The following VNN1 variants were observed in gnomAD, a reference collection of about 807,000 sequenced individuals.
VNN1 encodes the protein vanin 1, also known as pantetheinase.
Under a neutral mutation model 41.9 loss-of-function variants are expected in VNN1, and 29 were observed. The ratio of observed to expected loss-of-function variants is 0.69; its 90% confidence interval spans 0.52 to 0.94. VNN1 has a LOEUF of 0.94. VNN1 is among the 40% of genes least tolerant of loss of function. The pLI, the probability that VNN1 is intolerant of heterozygous loss-of-function variation, is 0.00. For missense variants in VNN1, 637 were observed against 621.1 expected, an observed-to-expected ratio of 1.03 and a Z score of -0.27; for synonymous variants, 233 against 224.4, an observed-to-expected ratio of 1.04 and a Z score of -0.34.
intron 2 of VNN1, among the ~76,000 whole-genome samples, chr6:132,705,296 G>A (rs969827354): frequency 3.9e-5 from 6 of 151,956 alleles, no homozygotes; most frequent in Non-Finnish European, 5.9e-5. Context: ...CAAACCAAAT[G>A]CAACGACACA....
chr6:132,683,545 A>G (rs1316811301), intron 6 of VNN1, among the ~76,000 whole-genome samples: 5 of 152,220 alleles, frequency 3.3e-5, no homozygotes. Context: ...CTTCTAATTT[A>G]CTTACCTGTG....
chr6:132,701,100 C>T (rs2840827), intron 2 of VNN1, among the ~76,000 whole-genome samples: 88,256 of 152,048 alleles, frequency 0.58, 28,346 homozygotes, highest in African/African-American at 0.86. Context: ...GAAATGCTAA[C>T]GACAAGTCTG....
intron 6 of VNN1, 43 bp from the exon 7 acceptor site, chr6:132,683,365 T>G: frequency 6.4e-7 from 1 of 1,562,136 alleles, no homozygotes; most frequent in Non-Finnish European, 8.7e-7. Context: ...CTTCAAGTTT[T>G]ACAATCCCAT....
intron 5 of VNN1, among the ~76,000 whole-genome samples, chr6:132,688,483 A>G (rs1778235978): frequency 6.6e-6 from 1 of 152,184 alleles, no homozygotes; most frequent in South Asian, 2.1e-4. Flanking sequence ...ACACTAAGAA[A>G]GAACTTCCCA....
rs201729697 is a variant in VNN1, at chr6:132,683,259, G to A, written c.1423C>T (p.Leu475=). The change falls in exon 7 of 7, where the codon CTG becomes TTG. Residue 475 remains leucine, a synonymous_variant. Transcript: ENST00000367928. The part of the protein sequence containing the change: ...PTSGPVLTVT[L]FGRLYEKDWA... ...TCCTTCTCATACAACCTCCCAAACA[G>A]AGTTACTGTTAAGACAGGTCCGGAT... is the stretch of plus-strand genomic sequence containing the variant. The A allele has an allele frequency of 2.5e-6, 4 of 1,614,118 alleles. No individual in the cohort carries two copies. The highest frequency in any genetic ancestry group is 1.3e-5 in the African/African-American group (1 of 75,034).
In VNN1 at chr6:132,682,235, C is replaced by T. The variant is rs770746409; in HGVS notation, c.*905G>A. On this transcript the variant is annotated 3_prime_UTR_variant, in exon 7 of 7. Transcript: ENST00000367928. ...AGTGTCTATTGGAGTCTTGAGGACC[C>T]AGACCAGCTGAATATTCTTACCAGG... 6.6e-6 allele frequency: 1 copy of T among 152,114 alleles called. No individual in the cohort carries two copies. Among genetic ancestry groups the T allele is most frequent in the Non-Finnish European group, 1.5e-5 (1 of 68,024 alleles). 9.4% of individuals were successfully genotyped at this position (152,114 alleles called of 1,614,324 possible).
At chr6:132,689,244 A>C (rs1480491300) in intron 5 of VNN1, among the ~76,000 whole-genome samples, 1 of 151,974 alleles carries the variant, frequency 6.6e-6, no homozygotes, top group African/African-American at 2.4e-5. Context: ...CTACAAAGGC[A>C]ATCAAGGCTC....
chr6:132,707,551 A>G (rs1457952300), intron 2 of VNN1, among the ~76,000 whole-genome samples: 2 of 152,244 alleles, frequency 1.3e-5, no homozygotes, highest in African/African-American at 4.8e-5. Context: ...CGTGTGGTAC[A>G]TGTACACAAT....
At chr6:132,701,437 A>T (rs779045228) in intron 2 of VNN1, among the ~76,000 whole-genome samples, 6 of 152,204 alleles carry the variant, frequency 3.9e-5, no homozygotes, top group Non-Finnish European at 5.9e-5. Flanking sequence ...CCTACAGCTA[A>T]CATCCTATGG....
At chr6:132,712,636 A>G (rs1488185853) in intron 1 of VNN1, among the ~76,000 whole-genome samples, 1 of 152,106 alleles carries the variant, frequency 6.6e-6, no homozygotes, top group South Asian at 2.1e-4. Context: ...TTTCCCCTGC[A>G]AACATGATTC....
Position 132,693,158 on chromosome 6 carries a change from G to T in VNN1, c.692C>A (p.Thr231Asn). 6.2e-7 allele frequency: 1 copy of T among 1,614,096 alleles called. No homozygotes were observed. The highest frequency in any genetic ancestry group is 8.5e-7 in the Non-Finnish European group (1 of 1,180,002). The change falls in exon 4 of 7, where the codon ACC becomes AAC. Residue 231 changes from threonine (T) to asparagine (N), a missense_variant. Coordinates refer to ENST00000367928, the MANE Select transcript of VNN1 (RefSeq NM_004666.3). ...CATCCAAGCTGTTGGGAATACTATG[G>T]TGTCCACGTGGAAATCTTTCACCAA... ...VTLVKDFHVDTIVFPTAWMNV... is the reference protein window; with the variant it reads ...VTLVKDFHVDNIVFPTAWMNV...
chr6:132,693,457 A>T, intron 3 of VNN1, 142 bp from the exon 4 acceptor site: 1 of 913,960 alleles, frequency 1.1e-6, no homozygotes. Context: ...AGTTTGCTTT[A>T]GAGAATCAGA....
intron 6 of VNN1, among the ~76,000 whole-genome samples, chr6:132,684,099 C>T (rs45525739): frequency 0.038 from 5,815 of 152,054 alleles, 192 homozygotes; most frequent in South Asian, 0.098. Context: ...TTTAAACTCC[C>T]TATAATCCCC....
intron 5 of VNN1, among the ~76,000 whole-genome samples, chr6:132,688,251 T>C (rs1778233436): frequency 1.3e-5 from 2 of 152,190 alleles, no homozygotes; most frequent in South Asian, 4.1e-4. Context: ...TTATTCAAGC[T>C]ATTTAAGGTG....
rs749843336 is a variant in VNN1, at chr6:132,713,875, T to C, written c.161A>G (p.Asn54Ser). The part of the protein sequence containing the change: ...VSREEALALM[N>S]RNLDILEGAI... ...TCCTTCCAAAATGTCCAGATTCCGA[T>C]TCATTAATGCCAAAGCCTCCTCACG... Residue 54 changes from asparagine to serine, a missense_variant, in exon 1 of 7, where the codon AAT becomes AGT. Transcript: ENST00000367928. 1.9e-6 allele frequency: 3 copies of C among 1,613,722 alleles called. No homozygotes were observed. Among genetic ancestry groups the C allele is most frequent in the South Asian group, 1.1e-5 (1 of 91,042 alleles).
intron 1 of VNN1, among the ~76,000 whole-genome samples, chr6:132,713,315 A>AG (rs1408328341): frequency 6.6e-6 from 1 of 152,224 alleles, no homozygotes; most frequent in Non-Finnish European, 1.5e-5. Context: ...ACTAAACTTA[A>AG]GGACTCACAA....
intron 5 of VNN1, among the ~76,000 whole-genome samples, chr6:132,686,886 G>A (rs900326833): frequency 1.3e-4 from 20 of 151,876 alleles, no homozygotes; most frequent in African/African-American, 4.8e-4. Flanking sequence ...TTGAAACTCC[G>A]AAGACAAGAA....
chr6:132,700,194 T>C (rs1778430833), intron 2 of VNN1, among the ~76,000 whole-genome samples: 1 of 152,216 alleles, frequency 6.6e-6, no homozygotes, highest in African/African-American at 2.4e-5. Flanking sequence ...CTGAAAACTG[T>C]CAGGGTGTTT....
chr6:132,692,936 G>A, intron 4 of VNN1, 88 bp downstream of exon 4: 1 of 1,373,660 alleles, frequency 7.3e-7, no homozygotes, highest in Non-Finnish European at 9.7e-7. Context: ...ATTGTATTAA[G>A]GAGTATGCGT....
Sources: gnomAD v4.1 joint callset for allele counts (sites outside exome capture counted in the v4.1 genomes callset) on GRCh38, gnomAD v4.1.1 for gene constraint, MANE v1.5 for transcripts, NCBI Gene and HGNC (gene_info 2026-07-23, HGNC 2026-07-21) for gene names.